PCDHGA11: variants seen among roughly 807,000 people sequenced by gnomAD.
The protein encoded by PCDHGA11 is protocadherin gamma subfamily A, 11.
In PCDHGA11, 39 loss-of-function variants were observed where a neutral mutation model predicts 60.4. The observed-to-expected ratio is 0.65, with a 90% CI of 0.50 to 0.84. PCDHGA11 has a LOEUF of 0.84. Ranked by LOEUF, PCDHGA11 falls within the 40% of genes least tolerant of loss-of-function variation. The pLI is 0.00. For missense variants in PCDHGA11, 1,165 were observed against 1,197.7 expected (o/e 0.97, Z 0.40); for synonymous variants, 533 against 510.3 (o/e 1.04, Z -0.60).
At position 141,494,787 on chromosome 5, in the gene PCDHGA11, T is replaced by G. The variant is rs763990551; in HGVS notation, c.2434-20T>G. The G allele has an allele frequency of 6.2e-7, 1 of 1,614,044 alleles. No individual in the cohort carries two copies. Among genetic ancestry groups the G allele is most frequent in the Non-Finnish European group, 8.5e-7 (1 of 1,179,990 alleles). On this transcript the variant is annotated intron_variant, in intron 1 of 3. Transcript: ENST00000398587. ...ACTTCTCACGGGTACTCAGCCCCTT[T>G]CCCTCTGTTTTCTCCACAGCAAGCC...
At chr5:141,478,670 C>T (rs1413742587) in intron 1 of PCDHGA11, 28 of 1,551,664 alleles carry the variant, frequency 1.8e-5, no homozygotes, top group Non-Finnish European at 2.4e-5. Flanking sequence ...TTCACACTTT[C>T]AACTGGCCCT....
intron 2 of PCDHGA11, among the ~76,000 whole-genome samples, chr5:141,498,009 C>T (rs1160103624): frequency 6.6e-6 from 1 of 152,146 alleles, no homozygotes; most frequent in African/African-American, 2.4e-5. Context: ...TTACAGTGCA[C>T]TGAAGGAGAC....
In PCDHGA11 at chr5:141,423,154, C is replaced by A; in HGVS notation, c.1927C>A (p.Leu643Ile). 6.2e-7 allele frequency: 1 copy of A among 1,613,466 alleles called. No individual in the cohort carries two copies. Among genetic ancestry groups the A allele is most frequent in the South Asian group, 1.1e-5 (1 of 91,040 alleles). The change falls in exon 1 of 4, where the codon CTC (leucine) becomes ATC (isoleucine). Residue 643 changes from leucine (L) to isoleucine (I), a missense_variant. Physicochemically the swap from Leu to Ile is conservative, Grantham distance 5 (BLOSUM62 2). Transcript: ENST00000398587. ...GGACAGAGACGCGCTCAAGCAGAGC[C>A]TCGTGGTGGCCGTCCAGGACCACGG... ...LLDRDALKQS[L>I]VVAVQDHGQP...
At chr5:141,433,358 C>CCTAA (rs1554125965) in intron 1 of PCDHGA11, 1 of 503,368 alleles carries the variant, frequency 2.0e-6, no homozygotes, top group Non-Finnish European at 3.5e-6. Flanking sequence ...CTACTGTCTG[C>CCTAA]CTATCTATCT....
chr5:141,485,737 C>T lies in PCDHGA11; in HGVS notation c.2434-9070C>T. On this transcript the variant is annotated intron_variant, in intron 1 of 3. Coordinates refer to ENST00000398587, the MANE Select transcript of PCDHGA11 (RefSeq NM_018914.3). The surrounding 1 kb of genome is among the most constrained non-coding windows in gnomAD (Gnocchi z 5.7). ...TGGATGTGAAGAAGCGCAGCGACGGCAGCCTGGTCCCAGAGCTGCTCCTGG... is the reference window on the plus strand; with the variant it reads ...TGGATGTGAAGAAGCGCAGCGACGGTAGCCTGGTCCCAGAGCTGCTCCTGG... 6.2e-7 allele frequency: 1 copy of T among 1,614,222 alleles called. No individual in the cohort carries two copies. Among genetic ancestry groups the T allele is most frequent in the Non-Finnish European group, 8.5e-7 (1 of 1,180,036 alleles).
At chr5:141,461,082 T>C (rs2099008648) in intron 1 of PCDHGA11, among the ~76,000 whole-genome samples, 1 of 152,070 alleles carries the variant, frequency 6.6e-6, no homozygotes, top group South Asian at 2.1e-4. Flanking sequence ...AATTGTGAAT[T>C]GTGCTGCTAT....
intron 1 of PCDHGA11, among the ~76,000 whole-genome samples, chr5:141,455,570 A>T (rs181469693): frequency 2.6e-5 from 4 of 152,222 alleles, no homozygotes; most frequent in Non-Finnish European, 5.9e-5. Context: ...TGGCCCTCCC[A>T]CCCCAGCCTT....
chr5:141,445,224 G>A (rs1016307216), intron 1 of PCDHGA11, among the ~76,000 whole-genome samples: 6 of 152,194 alleles, frequency 3.9e-5, no homozygotes, highest in Admixed American at 2.0e-4. Context: ...GAGGTGCAAA[G>A]TGCTCTATTC....
chr5:141,481,455 C>T (rs2099537897), intron 1 of PCDHGA11, among the ~76,000 whole-genome samples: 1 of 152,176 alleles, frequency 6.6e-6, no homozygotes, highest in African/African-American at 2.4e-5. Flanking sequence ...TGTAAATACA[C>T]TGAAAACCAT....
At chr5:141,465,840 A>G (rs1212861707) in intron 1 of PCDHGA11, among the ~76,000 whole-genome samples, 1 of 151,734 alleles carries the variant, frequency 6.6e-6, no homozygotes, top group Non-Finnish European at 1.5e-5. Context: ...ATTTCAACTG[A>G]GGCTGGGCCC....
At chr5:141,453,786 A>G (rs2098774297) in intron 1 of PCDHGA11, among the ~76,000 whole-genome samples, 1 of 152,252 alleles carries the variant, frequency 6.6e-6, no homozygotes, top group Non-Finnish European at 1.5e-5. Flanking sequence ...TTACCATGGT[A>G]TATTAACTTT....
chr5:141,490,338 C>A lies in PCDHGA11; in HGVS notation c.2434-4469C>A, dbSNP rs1408559629. Reference sequence around the variant, plus strand: ...CTGTCCTAGAGAGCACACCAGTGGGCACAGTAGTGGGGTTGTTTAATGTGC... The same window carrying A: ...CTGTCCTAGAGAGCACACCAGTGGGAACAGTAGTGGGGTTGTTTAATGTGC... On this transcript the variant is annotated intron_variant, in intron 1 of 3. Coordinates refer to ENST00000398587, the MANE Select transcript of PCDHGA11 (RefSeq NM_018914.3). This position sits in a 1 kb window ranked among gnomAD's most constrained non-coding sequence, Gnocchi z 5.4. 6.2e-7 allele frequency: 1 copy of A among 1,614,184 alleles called. No homozygotes were observed. The highest frequency in any genetic ancestry group is 1.7e-5 in the Admixed American group (1 of 60,032).
intron 1 of PCDHGA11, among the ~76,000 whole-genome samples, chr5:141,434,609 G>T (rs189866750): frequency 1.3e-5 from 2 of 151,946 alleles, no homozygotes; most frequent in Non-Finnish European, 2.9e-5. Flanking sequence ...CTTTATTTCC[G>T]CCCATCTCTT....
At chr5:141,445,046 G>A (rs181806844) in intron 1 of PCDHGA11, among the ~76,000 whole-genome samples, 1 of 152,248 alleles carries the variant, frequency 6.6e-6, no homozygotes, top group East Asian at 1.9e-4. Context: ...AGTTTTCAGT[G>A]TAGAGAGGTC....
chr5:141,432,863 T>C lies in PCDHGA11; in HGVS notation c.2433+9203T>C, dbSNP rs762979829. On this transcript the variant is annotated intron_variant, in intron 1 of 3. Coordinates refer to ENST00000398587, the MANE Select transcript of PCDHGA11 (RefSeq NM_018914.3). This position sits in a 1 kb window ranked among gnomAD's most constrained non-coding sequence, Gnocchi z 6.0. ...GGTGGTAGCGGTGGCCGCGGTCTCCTGCGTCTTCCTGGCCTTCGTCATCTT... is the reference window on the plus strand; with the variant it reads ...GGTGGTAGCGGTGGCCGCGGTCTCCCGCGTCTTCCTGGCCTTCGTCATCTT... 20 of 1,614,192 alleles carry C rather than the reference T, an allele frequency of 1.2e-5. No individual in the cohort carries two copies. Among genetic ancestry groups the C allele is most frequent in the Admixed American group, 6.7e-5 (4 of 60,032 alleles).
intron 1 of PCDHGA11, among the ~76,000 whole-genome samples, chr5:141,481,782 T>C (rs1348977678): frequency 6.6e-6 from 1 of 152,008 alleles, no homozygotes; most frequent in African/African-American, 2.4e-5. Context: ...TGAAACCCCG[T>C]CTCTACTAAA....
intron 1 of PCDHGA11, among the ~76,000 whole-genome samples, chr5:141,425,869 C>T (rs1376765137): frequency 2.0e-5 from 3 of 152,198 alleles, no homozygotes. Context: ...TATAGATTCC[C>T]ATCTCTAAGG....
chr5:141,427,193 CTT>C (rs2096998045), intron 1 of PCDHGA11: 3 of 456,614 alleles, frequency 6.6e-6, no homozygotes, highest in Non-Finnish European at 8.8e-6. Context: ...AATCCAAAGA[CTT>C]AATAGACTTC....
rs753256077 is a variant in PCDHGA11 at position 141,431,467 on chromosome 5, C to A, written c.2433+7807C>A. On this transcript the variant is annotated intron_variant, in intron 1 of 3. Coordinates refer to ENST00000398587, the MANE Select transcript of PCDHGA11 (RefSeq NM_018914.3). The surrounding 1 kb of genome is among the most constrained non-coding windows in gnomAD (Gnocchi z 4.8). The stretch of plus-strand genomic sequence containing the variant: ...TCCGCGTGATGGTTCTGGATGCGAA[C>A]GACAACGCACCAGCGTTTGCTCAGC... 1.9e-5 allele frequency: 31 copies of A among 1,613,684 alleles called. No homozygotes were observed. The highest frequency in any genetic ancestry group is 3.4e-6 in the Non-Finnish European group (4 of 1,179,964).
Sources: allele counts gnomAD v4.1 joint callset (sites outside exome capture counted in the v4.1 genomes callset), GRCh38; gene constraint gnomAD v4.1.1; non-coding constraint Gnocchi (gnomAD v3.1); transcripts MANE v1.5; gene names NCBI Gene and HGNC (gene_info 2026-07-23, HGNC 2026-07-21).